Variants in PARP14 observed in about 807,000 individuals in gnomAD.
PARP14 encodes protein mono-ADP-ribosyltransferase PARP14.
In PARP14, 59 loss-of-function variants were observed where a neutral mutation model predicts 154.2. The ratio of observed to expected loss-of-function variants is 0.38; its 90% CI spans 0.31 to 0.48. The LOEUF (loss-of-function observed/expected upper bound fraction) is 0.48, where lower values mean the gene tolerates loss of function less well. Ranked by LOEUF, PARP14 falls within the 20% of genes least tolerant of loss-of-function variation. The probability of loss-of-function intolerance (pLI) is 0.98; values close to 1 mark genes in which losing one functional copy is unlikely to be tolerated. For missense variants in PARP14, 1,734 were observed against 2,131.6 expected, an observed-to-expected ratio of 0.81 and a Z score of 3.67; for synonymous variants, 720 against 780.5, an observed-to-expected ratio of 0.92 and a Z score of 1.29.
intron 2 of PARP14, 58 bp from the exon 3 acceptor site, chr3:122,687,022 T>C: frequency 8.1e-7 from 1 of 1,238,932 alleles, no homozygotes; most frequent in Admixed American, 2.0e-5. Flanking sequence ...AGGGACATTT[T>C]CTTATGTAAA....
rs1270624430 is a variant in PARP14, at chr3:122,680,892, G to C, written c.9G>C (p.Val3=). 1 of 1,605,146 alleles carries C rather than the reference G, an allele frequency of 6.2e-7. No homozygotes were observed. Among genetic ancestry groups the C allele is most frequent in the South Asian group, 1.1e-5 (1 of 89,638 alleles). Residue 3 remains valine, a synonymous_variant, in exon 1 of 17, where the codon GTG becomes GTC. Transcript: ENST00000474629. ...GGAGAGCGGAGCTGAGGATGGCTGTGCCCGGCTCCTTCCCGCTGCTGGTCG... is the reference window on the plus strand; with the variant it reads ...GGAGAGCGGAGCTGAGGATGGCTGTCCCCGGCTCCTTCCCGCTGCTGGTCG... The part of the protein sequence containing the change: MA[V]PGSFPLLVEG...
rs759003757 is a variant in PARP14, at chr3:122,695,667, T to C, written c.835+5T>C. 1.2e-5 allele frequency: 17 copies of C among 1,383,060 alleles called. No homozygotes were observed. Among genetic ancestry groups the C allele is most frequent in the Non-Finnish European group, 1.7e-5 (17 of 976,248 alleles). The allele number at this position is 1,383,060 out of a possible 1,614,324, so 85.7% of individuals were successfully genotyped here. On this transcript the variant is annotated splice_donor_5th_base_variant and intron_variant, in intron 5 of 16. Coordinates refer to ENST00000474629, the MANE Select transcript of PARP14 (RefSeq NM_017554.3). ...TTGAATTTTTTGACAGAAAAGGTAA[T>C]ATTTATTAACCTGTCATACCTGGCA... is the stretch of plus-strand genomic sequence containing the variant.
At position 122,714,360 on chromosome 3, in the gene PARP14, G is replaced by A. The variant is rs768839309; in HGVS notation, c.3931G>A (p.Val1311Ile). Residue 1311 changes from valine (V) to isoleucine (I), a missense_variant, in exon 12 of 17, where the codon GTT becomes ATT. Physicochemically the swap from Val to Ile is conservative, Grantham distance 29. Around this residue, in one of 2 missense-constraint regions of PARP14, gnomAD observed 1,646 missense variants for 1,976.0 expected, o/e 0.83. Transcript: ENST00000474629. ...VIGGNDVKSS[V>I]SSVLQECEKK... is the part of the protein sequence containing the mutation. Reference sequence around the variant, plus strand: ...TGGTGGAAATGATGTCAAGAGTTCAGTTTCCTCTGTTTTGCAGGAGTGTGA... The same window carrying A: ...TGGTGGAAATGATGTCAAGAGTTCAATTTCCTCTGTTTTGCAGGAGTGTGA... 1.3e-5 allele frequency: 20 copies of A among 1,585,978 alleles called. No homozygotes were observed. Among genetic ancestry groups the A allele is most frequent in the Non-Finnish European group, 1.3e-5 (15 of 1,171,712 alleles).
At position 122,700,018 on chromosome 3, in the gene PARP14, C is replaced by T; in HGVS notation, c.1464C>T (p.Asp488=). The change falls in exon 6 of 17, where the codon GAC becomes GAT. Residue 488 remains aspartate, a synonymous_variant. Coordinates refer to ENST00000474629, the MANE Select transcript of PARP14 (RefSeq NM_017554.3). ...TTTTGTGTCACAGCAGTCTACTGGA[C>T]CATTTACTCACGGAGTGCCCAGAGA... ...YFLLCHSSLL[D]HLLTECPEIE... The T allele has an allele frequency of 6.2e-7, 1 of 1,613,888 alleles. No individual in the cohort carries two copies. The highest frequency in any genetic ancestry group is 1.7e-5 in the Admixed American group (1 of 60,022).
At position 122,692,318 on chromosome 3, in the gene PARP14, G is replaced by C. The variant is rs1260405626; in HGVS notation, c.373G>C (p.Asp125His). Residue 125 changes from aspartate (D) to histidine (H), a missense_variant, in exon 4 of 17, where the codon GAT (aspartate) becomes CAT (histidine). Coordinates refer to ENST00000474629, the MANE Select transcript of PARP14 (RefSeq NM_017554.3). ...VKEPDVSEEL[D>H]TKLPLDGGLD... ...AAAATCAGATGTGTCAGAAGAATTG[G>C]ATACAAAACTCCCTCTTGATGGTGG... 1 of 1,611,524 alleles carries C rather than the reference G, an allele frequency of 6.2e-7. No individual in the cohort carries two copies. Among genetic ancestry groups the C allele is most frequent in the African/African-American group, 1.3e-5 (1 of 74,852 alleles).
At position 122,717,216 on chromosome 3, in the gene PARP14, A is replaced by G. The variant is rs181176087; in HGVS notation, c.4001-855A>G. On this transcript the variant is annotated intron_variant, in intron 12 of 16. Transcript: ENST00000474629. ...ATAGTGGTGGGTACCATCAACAACAATTAGCCAGGTGGGCTCTTAGTCTGT... is the reference window on the plus strand; with the variant it reads ...ATAGTGGTGGGTACCATCAACAACAGTTAGCCAGGTGGGCTCTTAGTCTGT... Among the ~76,000 whole-genome samples the G allele has an allele frequency of 2.6e-5, 4 of 152,322 alleles. No homozygotes were observed. The East Asian group carries it at 7.7e-4, about 29-fold the overall frequency.
chr3:122,723,110 T>C (rs929123351), intron 15 of PARP14, among the ~76,000 whole-genome samples: 5 of 152,028 alleles, frequency 3.3e-5, no homozygotes, highest in African/African-American at 9.7e-5. Context: ...TAATTTTTTT[T>C]TGTATTTTTA....
At chr3:122,726,518 T>C (rs2107656923) in intron 15 of PARP14, among the ~76,000 whole-genome samples, 1 of 152,304 alleles carries the variant, frequency 6.6e-6, no homozygotes, top group East Asian at 1.9e-4. Context: ...CTTCTAGTAG[T>C]TGTTGGTGAG....
At chr3:122,686,762 C>T (rs1013850399) in intron 2 of PARP14, 3 of 240,090 alleles carry the variant, frequency 1.2e-5, no homozygotes, top group Non-Finnish European at 2.4e-5. Flanking sequence ...CCACCAAGTC[C>T]AGCCTCAATA....
At position 122,695,478 on chromosome 3, in the gene PARP14, T is replaced by A; in HGVS notation, c.651T>A (p.Leu217=). ...CCAAGCACCATTCAATTAAACAACT[T>A]CAGCTTTCTCCAAGACTTCTGGAAG... ...DCTKHHSIKQ[L]QLSPRLLEVT... Residue 217 remains leucine, a synonymous_variant, in exon 5 of 17, where the codon CTT becomes CTA. Transcript: ENST00000474629. 1 of 1,609,414 alleles carries A rather than the reference T, an allele frequency of 6.2e-7. No homozygotes were observed. Among genetic ancestry groups the A allele is most frequent in the South Asian group, 1.1e-5 (1 of 90,370 alleles).
chr3:122,692,761 G>T (rs1287261577), intron 4 of PARP14, among the ~76,000 whole-genome samples: 1 of 152,178 alleles, frequency 6.6e-6, no homozygotes, highest in Non-Finnish European at 1.5e-5. Flanking sequence ...TTGCAGGAGT[G>T]CCCAAGTGTG....
At position 122,700,908 on chromosome 3, in the gene PARP14, G is replaced by T; in HGVS notation, c.2354G>T (p.Gly785Val). The change falls in exon 6 of 17, where the codon GGC becomes GTC. Residue 785 changes from glycine to valine, a missense_variant. Gly to Val is a moderately radical substitution (Grantham distance 109, BLOSUM62 -3). Around this residue, in one of 2 missense-constraint regions of PARP14, gnomAD observed 1,646 missense variants for 1,976.0 expected, o/e 0.83. Coordinates refer to ENST00000474629, the MANE Select transcript of PARP14 (RefSeq NM_017554.3). Reference sequence around the variant, plus strand: ...GAGAATGAAGTAATGAAGGAGGGAGGCAGCCCCGCTGGGCAGAAGTGCTTC... The same window carrying T: ...GAGAATGAAGTAATGAAGGAGGGAGTCAGCCCCGCTGGGCAGAAGTGCTTC... The part of the protein sequence containing the change: ...LQENEVMKEG[G>V]SPAGQKCFSR... The T allele has an allele frequency of 6.2e-7, 1 of 1,613,380 alleles. No individual in the cohort carries two copies. Among genetic ancestry groups the T allele is most frequent in the African/African-American group, 1.3e-5 (1 of 75,050 alleles).
chr3:122,682,657 C>G (rs1047271818), intron 1 of PARP14, among the ~76,000 whole-genome samples: 3 of 152,192 alleles, frequency 2.0e-5, no homozygotes, highest in Non-Finnish European at 4.4e-5. Flanking sequence ...GGCTTCCATC[C>G]TTGACCGGCC....
At chr3:122,685,428 A>T in intron 2 of PARP14, 110 bp downstream of exon 2, 1 of 995,234 alleles carries the variant, frequency 1.0e-6, no homozygotes, top group Non-Finnish European at 1.5e-6. Flanking sequence ...AGCAAACTGC[A>T]GCGAGAAAAG....
chr3:122,728,374 C>G lies in PARP14; in HGVS notation c.5183C>G (p.Ser1728Cys). ...NANYSANDTY[S>C]RPDANGRKHV... ...AATTATTCTGCCAATGATACGTACT[C>G]CAGACCAGATGCAAATGGGAGAAAG... The change falls in exon 17 of 17, where the codon TCC (serine) becomes TGC (cysteine). Residue 1728 changes from serine to cysteine, a missense_variant. Coordinates refer to ENST00000474629, the MANE Select transcript of PARP14 (RefSeq NM_017554.3). The G allele has an allele frequency of 5.6e-6, 9 of 1,613,352 alleles. No homozygotes were observed. The highest frequency in any genetic ancestry group is 7.6e-6 in the Non-Finnish European group (9 of 1,179,314).
chr3:122,722,017 T>C (rs1208963645), intron 15 of PARP14: 1 of 152,186 alleles, frequency 6.6e-6, no homozygotes, highest in Admixed American at 6.5e-5. Flanking sequence ...AGCTTCCTAG[T>C]AGACAAAGCA....
intron 12 of PARP14, 108 bp downstream of exon 12, chr3:122,714,537 C>T (rs1560077003): frequency 6.6e-6 from 5 of 754,462 alleles, no homozygotes; most frequent in Non-Finnish European, 1.0e-5. Flanking sequence ...AGGGCAGCAA[C>T]CATTAAGCTA....
At chr3:122,684,674 G>A (rs1938314613) in intron 1 of PARP14, among the ~76,000 whole-genome samples, 1 of 151,760 alleles carries the variant, frequency 6.6e-6, no homozygotes, top group Admixed American at 6.6e-5. Context: ...TGTGAGACCT[G>A]TTTCTAACTA....
At chr3:122,714,823 G>A (rs2107651685) in intron 12 of PARP14, among the ~76,000 whole-genome samples, 1 of 152,260 alleles carries the variant, frequency 6.6e-6, no homozygotes, top group East Asian at 1.9e-4. Flanking sequence ...CCCTCTCCAT[G>A]GAGAATATTA....
Sources: gnomAD v4.1 joint callset for allele counts (sites outside exome capture counted in the v4.1 genomes callset) on GRCh38, gnomAD v4.1.1 for gene constraint, gnomAD v4.1.1 regional missense constraint, MANE v1.5 for transcripts, NCBI Gene and HGNC (gene_info 2026-07-23, HGNC 2026-07-21) for gene names.